REEP3: variants seen among roughly 807,000 people sequenced by gnomAD.
REEP3 encodes receptor expression-enhancing protein 3.
REEP3 carries 20 observed loss-of-function variants against 41.3 expected under a neutral mutation model. The ratio of observed to expected loss-of-function variants is 0.48; its 90% CI spans 0.34 to 0.70. The LOEUF (loss-of-function observed/expected upper bound fraction) is 0.70. Ranked by LOEUF, REEP3 falls within the 30% of genes least tolerant of loss-of-function variation. REEP3 has a pLI of 0.01. For missense variants in REEP3, 271 were observed against 308.8 expected (o/e 0.88, Z 0.92); for synonymous variants, 104 against 101.8 (o/e 1.02, Z -0.13).
chr10:63,617,020 A>G (rs1784998150), intron 6 of REEP3, among the ~76,000 whole-genome samples: 2 of 151,416 alleles, frequency 1.3e-5, no homozygotes, highest in Admixed American at 1.3e-4. Flanking sequence ...CACACTTAAT[A>G]TTGCTTCAGG....
intron 1 of REEP3, among the ~76,000 whole-genome samples, chr10:63,561,388 CG>C (rs1463717562): frequency 6.6e-6 from 1 of 151,728 alleles, no homozygotes; most frequent in African/African-American, 2.4e-5. Context: ...AAATAAAGAC[CG>C]GGAAGAAAGA....
At position 63,556,614 on chromosome 10, in the gene REEP3, GTTTTT is replaced by G. The variant is rs77925970; in HGVS notation, c.33-9717_33-9713del. 1.9e-3 allele frequency among the ~76,000 whole-genome samples: 25 copies of G among 12,848 alleles called. 1 individual carries two copies. The South Asian group carries it at 0.072, about 37-fold the overall frequency. 8.4% of individuals were successfully genotyped at this position (12,848 alleles called of 152,430 possible). A position where few individuals can be genotyped will look rare whatever the true frequency, so the allele number is the denominator to read the frequency against. ...GTTTTGTTTTGTTTTCTGTTTGCTT[GTTTTT>G]TTTTTTGTTGTTTTGTTTTTTTTTT... On this transcript the variant is annotated intron_variant, in intron 1 of 7. Transcript: ENST00000373758.
At chr10:63,541,744 T>G (rs1955530041) in intron 1 of REEP3, among the ~76,000 whole-genome samples, 1 of 152,174 alleles carries the variant, frequency 6.6e-6, no homozygotes, top group South Asian at 2.1e-4. Context: ...GCAGTTTAAA[T>G]TCTTCAAAAT....
At chr10:63,563,082 C>T in intron 1 of REEP3, 2 of 438,974 alleles carry the variant, frequency 4.6e-6, no homozygotes, top group Middle Eastern at 3.4e-4. Flanking sequence ...AGGAAAGAGG[C>T]CTCAGAAGAC....
chr10:63,569,926 A>G (rs1015672757), intron 2 of REEP3, among the ~76,000 whole-genome samples: 2 of 152,180 alleles, frequency 1.3e-5, no homozygotes, highest in Non-Finnish European at 2.9e-5. Context: ...GGACAACAGA[A>G]TGAAACCCTG....
chr10:63,617,812 C>CTTTTTTTTT (rs60910642), intron 6 of REEP3, among the ~76,000 whole-genome samples: 3 of 83,550 alleles, frequency 3.6e-5, no homozygotes, highest in East Asian at 1.0e-3. Context: ...TCCTTCTACT[C>CTTTTTTTTT]TTTTTTTTTT....
intron 2 of REEP3, among the ~76,000 whole-genome samples, chr10:63,584,132 C>T (rs548835220): frequency 8.5e-5 from 13 of 152,100 alleles, no homozygotes; most frequent in East Asian, 3.8e-4. Flanking sequence ...TATATACAGT[C>T]GGCCCCATTT....
chr10:63,525,296 A>G (rs1387730349), intron 1 of REEP3, among the ~76,000 whole-genome samples: 1 of 152,234 alleles, frequency 6.6e-6, no homozygotes, highest in Non-Finnish European at 1.5e-5. Context: ...AAGGGACCTG[A>G]TAACCGCCAA....
At position 63,529,737 on chromosome 10, in the gene REEP3, G is replaced by A. The variant is rs545536110; in HGVS notation, c.32+8160G>A. Among the ~76,000 whole-genome samples the A allele has an allele frequency of 2.0e-5, 3 of 151,712 alleles. No homozygotes were observed. The South Asian group carries it at 6.2e-4, about 32-fold the overall frequency. On this transcript the variant is annotated intron_variant, in intron 1 of 7. Coordinates refer to ENST00000373758, the MANE Select transcript of REEP3 (RefSeq NM_001001330.3). ...ACCACCTTGGCCTCCCAAAGTGCTG[G>A]GATTACAGCTGTGAGCCACTGCCCC...
chr10:63,591,375 A>C (rs1956061875), intron 2 of REEP3, among the ~76,000 whole-genome samples: 1 of 152,034 alleles, frequency 6.6e-6, no homozygotes, highest in South Asian at 2.1e-4. Flanking sequence ...GCCTGTATTC[A>C]ACTATATTTA....
At chr10:63,526,893 G>T (rs530422002) in intron 1 of REEP3, among the ~76,000 whole-genome samples, 2 of 151,982 alleles carry the variant, frequency 1.3e-5, no homozygotes, top group East Asian at 1.9e-4. Flanking sequence ...AATATAGTTC[G>T]CCTTCTTTGT....
intron 1 of REEP3, among the ~76,000 whole-genome samples, chr10:63,562,389 C>G (rs1048107275): frequency 2.4e-4 from 37 of 151,938 alleles, no homozygotes; most frequent in African/African-American, 8.9e-4. Flanking sequence ...TCCTGGGTAG[C>G]TGGGATTACA....
intron 5 of REEP3, among the ~76,000 whole-genome samples, chr10:63,609,543 C>T (rs1317601731): frequency 1.3e-5 from 2 of 152,022 alleles, no homozygotes; most frequent in African/African-American, 2.4e-5. Flanking sequence ...GGCAGATCCC[C>T]TGAGGTCTGG....
At chr10:63,554,516 G>GT (rs1408024968) in intron 1 of REEP3, among the ~76,000 whole-genome samples, 1 of 152,138 alleles carries the variant, frequency 6.6e-6, no homozygotes, top group African/African-American at 2.4e-5. Flanking sequence ...TTGGGGGACA[G>GT]TTTTTTGGTA....
chr10:63,558,371 A>C (rs533453725), intron 1 of REEP3, among the ~76,000 whole-genome samples: 1 of 152,338 alleles, frequency 6.6e-6, no homozygotes, highest in South Asian at 2.1e-4. Context: ...CACAAGAAGG[A>C]GGAGTAGCAC....
At chr10:63,522,085 GTC>G (rs1482373557) in intron 1 of REEP3, among the ~76,000 whole-genome samples, 2 of 152,120 alleles carry the variant, frequency 1.3e-5, no homozygotes, top group Non-Finnish European at 2.9e-5. Flanking sequence ...GCGTTGCGGT[GTC>G]TCTCTTGGCG....
chr10:63,523,466 C>G (rs879613143), intron 1 of REEP3, among the ~76,000 whole-genome samples: 4 of 152,012 alleles, frequency 2.6e-5, no homozygotes, highest in Non-Finnish European at 5.9e-5. Flanking sequence ...GACCTTGTCT[C>G]CACAAAAAAA....
At chr10:63,556,569 TTTTTG>T (rs71025191) in intron 1 of REEP3, among the ~76,000 whole-genome samples, 58,126 of 128,538 alleles carry the variant, frequency 0.45, 14,341 homozygotes, top group South Asian at 0.53. Flanking sequence ...ATTGGTGGGG[TTTTTG>T]TTTTGTTTTG....
intron 2 of REEP3, among the ~76,000 whole-genome samples, chr10:63,584,636 T>TGG (rs573585902): frequency 6.6e-6 from 1 of 151,300 alleles, no homozygotes; most frequent in Non-Finnish European, 1.5e-5. Context: ...AATGATGGAG[T>TGG]GGGGGGGGAA....
Sources: gnomAD v4.1 joint callset for allele counts (sites outside exome capture counted in the v4.1 genomes callset) on GRCh38, gnomAD v4.1.1 for gene constraint, MANE v1.5 for transcripts, NCBI Gene and HGNC (gene_info 2026-07-23, HGNC 2026-07-21) for gene names.